CAST: variants seen among roughly 807,000 people sequenced by gnomAD.
CAST encodes calpastatin.
In CAST, 76 loss-of-function variants were observed where a neutral mutation model predicts 119.6. The observed-to-expected ratio is 0.64, with a 90% CI of 0.53 to 0.77. CAST has a LOEUF of 0.77. Ranked by LOEUF, CAST falls within the 30% of genes least tolerant of loss-of-function variation. The probability of loss-of-function intolerance (pLI) is 0.00; values close to 1 mark genes in which losing one functional copy is unlikely to be tolerated. For synonymous variants in CAST, 319 were observed against 331.6 expected (o/e 0.96, Z 0.41); for missense variants, 953 against 946.5 (o/e 1.01, Z -0.09).
chr5:96,079,873 A>C, the CAST span, among the ~76,000 whole-genome samples: 2 of 152,180 alleles, frequency 1.3e-5, no homozygotes, highest in African/African-American at 4.8e-5. Context: ...GATATGCCTT[A>C]ATTTATTAAA....
intron 1 of CAST, among the ~76,000 whole-genome samples, chr5:96,626,027 G>A (rs111830599): frequency 6.6e-5 from 10 of 152,124 alleles, no homozygotes; most frequent in Non-Finnish European, 1.0e-4. Context: ...TCTGAAGGCC[G>A]TGTCCGCCTT....
the CAST span, among the ~76,000 whole-genome samples, chr5:96,049,889 C>CAAAAAAAAAAAAAAAAAAAAAAAA: frequency 4.4e-4 from 15 of 34,188 alleles, 1 homozygote; most frequent in Non-Finnish European, 6.8e-4. Flanking sequence ...GAACAGGAGG[C>CAAAAAAAAAAAAAAAAAAAAAAAA]AAAAAAAAAA....
chr5:96,058,001 C>T, the CAST span, among the ~76,000 whole-genome samples: 2 of 152,180 alleles, frequency 1.3e-5, no homozygotes, highest in East Asian at 1.9e-4. Context: ...TTAGAAATAT[C>T]GAGCAAAAGA....
At chr5:96,736,586 GA>G (rs942399933) in intron 10 of CAST, among the ~76,000 whole-genome samples, 55 of 151,780 alleles carry the variant, frequency 3.6e-4, no homozygotes, top group African/African-American at 1.3e-3. Flanking sequence ...ATTCCTAAAA[GA>G]ATCAGTGTAA....
At chr5:96,050,576 GTC>G in the CAST span, among the ~76,000 whole-genome samples, 5 of 152,354 alleles carry the variant, frequency 3.3e-5, no homozygotes, top group Admixed American at 1.3e-4. Context: ...CTGTGAAGAG[GTC>G]TCTGAGGAGA....
At chr5:96,148,749 G>A in the CAST span, among the ~76,000 whole-genome samples, 4 of 152,352 alleles carry the variant, frequency 2.6e-5, no homozygotes, top group Non-Finnish European at 4.4e-5. Context: ...ATTAAATCAA[G>A]TTATCTGATC....
chr5:95,968,214 TTTC>T, the CAST span, among the ~76,000 whole-genome samples: 4 of 152,210 alleles, frequency 2.6e-5, no homozygotes, highest in African/African-American at 9.7e-5. Flanking sequence ...TGAATAACTC[TTTC>T]CACACAAACA....
At chr5:96,371,319 G>T in the CAST span, among the ~76,000 whole-genome samples, 3 of 152,150 alleles carry the variant, frequency 2.0e-5, no homozygotes, top group African/African-American at 7.2e-5. Context: ...TAGTCAATAA[G>T]CTCCCCACCT....
At chr5:96,157,514 T>A in the CAST span, among the ~76,000 whole-genome samples, 1 of 152,240 alleles carries the variant, frequency 6.6e-6, no homozygotes, top group African/African-American at 2.4e-5. Flanking sequence ...TTACTATCTT[T>A]CCTAGCATAG....
At chr5:96,364,934 C>G in the CAST span, among the ~76,000 whole-genome samples, 5 of 152,322 alleles carry the variant, frequency 3.3e-5, no homozygotes, top group East Asian at 9.6e-4. Context: ...AATTTTAGAT[C>G]TTTCCTGCTT....
At chr5:96,441,855 G>A in the CAST span, among the ~76,000 whole-genome samples, 3 of 152,130 alleles carry the variant, frequency 2.0e-5, no homozygotes, top group Non-Finnish European at 4.4e-5. Context: ...GCGTATGGGT[G>A]ATTGAGTAGT....
chr5:96,059,507 A>C, the CAST span, among the ~76,000 whole-genome samples: 1 of 152,144 alleles, frequency 6.6e-6, no homozygotes, highest in African/African-American at 2.4e-5. Context: ...CTATCCTGGG[A>C]AAAGAATACT....
At chr5:96,201,691 C>T in the CAST span, among the ~76,000 whole-genome samples, 1 of 151,876 alleles carries the variant, frequency 6.6e-6, no homozygotes, top group Non-Finnish European at 1.5e-5. Flanking sequence ...TTAAGGTCCT[C>T]CAGGTCCCTG....
At chr5:96,104,551 G>T in the CAST span, among the ~76,000 whole-genome samples, 1 of 152,014 alleles carries the variant, frequency 6.6e-6, no homozygotes, top group East Asian at 1.9e-4. Flanking sequence ...TTGCAGATAT[G>T]CGGCGTTATT....
the CAST span, among the ~76,000 whole-genome samples, chr5:96,129,781 G>A: frequency 6.6e-6 from 1 of 151,960 alleles, no homozygotes; most frequent in African/African-American, 2.4e-5. Context: ...AAATCATTTA[G>A]AAAATGGAAC....
At chr5:96,389,955 A>T in the CAST span, among the ~76,000 whole-genome samples, 1 of 152,028 alleles carries the variant, frequency 6.6e-6, no homozygotes, top group African/African-American at 2.4e-5. Context: ...AAAAGTTGGA[A>T]CTTTGAGGGT....
chr5:96,453,981 A>G, the CAST span, among the ~76,000 whole-genome samples: 6 of 152,178 alleles, frequency 3.9e-5, no homozygotes, highest in Admixed American at 1.3e-4. Flanking sequence ...GGTTGGTTCT[A>G]CTGCGCAGAA....
the CAST span, among the ~76,000 whole-genome samples, chr5:96,419,891 C>T: frequency 6.6e-6 from 1 of 152,088 alleles, no homozygotes; most frequent in South Asian, 2.1e-4. Flanking sequence ...GGAAAAACTC[C>T]AGAGAATGTC....
the CAST span, among the ~76,000 whole-genome samples, chr5:96,125,785 C>G: frequency 1.3e-5 from 2 of 152,054 alleles, no homozygotes; most frequent in Non-Finnish European, 2.9e-5. Context: ...ATATCTGGCA[C>G]AGGGACTACT....
Sources: allele counts gnomAD v4.1 joint callset (sites outside exome capture counted in the v4.1 genomes callset), GRCh38; gene constraint gnomAD v4.1.1; transcripts MANE v1.5; gene names NCBI Gene and HGNC (gene_info 2026-07-23, HGNC 2026-07-21).